Variants in LRRIQ1 observed in about 807,000 individuals in gnomAD.
The protein encoded by LRRIQ1 is leucine-rich repeat- and IQ domain-containing protein 1.
A neutral mutation model predicts 211.9 loss-of-function variants in LRRIQ1; 210 were observed. The ratio of observed to expected loss-of-function variants is 0.99; its 90% CI spans 0.89 to 1.11. LRRIQ1 has a LOEUF of 1.11. Among genes scored for constraint, LRRIQ1 ranks in the 50% most tolerant of loss-of-function variants. The pLI is 0.00. For synonymous variants in LRRIQ1, 699 were observed against 650.1 expected, an observed-to-expected ratio of 1.08 and a Z score of -1.14; for missense variants, 2,136 against 1,939.5, an observed-to-expected ratio of 1.10 and a Z score of -1.90.
chr12:85,068,316 A>G (rs1882663880), intron 10 of LRRIQ1, among the ~76,000 whole-genome samples: 1 of 147,648 alleles, frequency 6.8e-6, no homozygotes, highest in African/African-American at 2.5e-5. Flanking sequence ...AGGAATAGAA[A>G]TAAGCTTAAT....
chr12:85,047,766 A>G, intron 6 of LRRIQ1: 1 of 266,470 alleles, frequency 3.8e-6, no homozygotes, highest in Non-Finnish European at 7.2e-6. Flanking sequence ...GTTTTTCTTT[A>G]TATGCTTCTA....
At chr12:85,036,747 T>TC in intron 1 of LRRIQ1, among the ~76,000 whole-genome samples, 1 of 141,412 alleles carries the variant, frequency 7.1e-6, no homozygotes, top group South Asian at 2.3e-4. Context: ...TCTCTTTCTT[T>TC]CTTTTTTTTT....
intron 1 of LRRIQ1, among the ~76,000 whole-genome samples, chr12:85,253,757 A>G (rs1163806765): frequency 1.3e-5 from 2 of 152,064 alleles, no homozygotes; most frequent in Non-Finnish European, 2.9e-5. Flanking sequence ...TGCTGTTACC[A>G]TGTATGACTA....
chr12:85,155,977 C>G (rs1225150169), intron 23 of LRRIQ1, among the ~76,000 whole-genome samples: 1 of 151,612 alleles, frequency 6.6e-6, no homozygotes, highest in Non-Finnish European at 1.5e-5. Flanking sequence ...CCTCTTTTAT[C>G]AGTCACAAGG....
chr12:85,073,163 T>C, intron 11 of LRRIQ1, 65 bp downstream of exon 11: 1 of 1,217,752 alleles, frequency 8.2e-7, no homozygotes, highest in Non-Finnish European at 1.2e-6. Flanking sequence ...ATGGGGAGGG[T>C]TGGATCTAGG....
At chr12:85,129,221 A>G (rs767353312) in intron 18 of LRRIQ1, among the ~76,000 whole-genome samples, 11 of 152,154 alleles carry the variant, frequency 7.2e-5, no homozygotes, top group Non-Finnish European at 1.5e-4. Flanking sequence ...TAGAAGGTAC[A>G]ACTTGTCAGG....
At position 85,124,453 on chromosome 12, in the gene LRRIQ1, T is replaced by G; in HGVS notation, c.3941T>G (p.Phe1314Cys). 6.2e-7 allele frequency: 1 copy of G among 1,613,790 alleles called. No homozygotes were observed. Among genetic ancestry groups the G allele is most frequent in the Non-Finnish European group, 8.5e-7 (1 of 1,180,022 alleles). ...AGTATTCCCACCATAAGAATCCCAT[T>G]TAAGGAAGTAGTAATGACAAATTCT... Reference protein sequence around the residue: ...ASSIPTIRIPFKEVVMTNSLL... With the variant: ...ASSIPTIRIPCKEVVMTNSLL... The change falls in exon 17 of 27, where the codon TTT (phenylalanine) becomes TGT (cysteine). Residue 1314 changes from phenylalanine to cysteine, a missense_variant. Physicochemically the swap from Phe to Cys is radical, Grantham distance 205. Transcript: ENST00000393217.
chr12:85,250,455 A>G (rs1257855582), intron 1 of LRRIQ1, among the ~76,000 whole-genome samples: 1 of 151,674 alleles, frequency 6.6e-6, no homozygotes, highest in Non-Finnish European at 1.5e-5. Flanking sequence ...AAAAATATTT[A>G]TGAGCCAGGT....
chr12:85,272,560 G>A, the LRRIQ1 span, among the ~76,000 whole-genome samples: 1 of 151,622 alleles, frequency 6.6e-6, no homozygotes, highest in South Asian at 2.1e-4. Context: ...ACAAAGAAAT[G>A]GAAATAAATG....
intron 22 of LRRIQ1, 66 bp from the exon 23 acceptor site, chr12:85,153,936 ATGTCTATTTT>A: frequency 9.7e-7 from 1 of 1,034,404 alleles, no homozygotes; most frequent in Non-Finnish European, 1.4e-6. Flanking sequence ...TCAGATATGC[ATGTCTATTTT>A]TATATGCATA....
At chr12:85,206,155 G>A (rs1207462074) in intron 24 of LRRIQ1, among the ~76,000 whole-genome samples, 1 of 152,220 alleles carries the variant, frequency 6.6e-6, no homozygotes, top group Non-Finnish European at 1.5e-5. Flanking sequence ...GTGAGCCTGG[G>A]ACTGCTGACT....
intron 1 of LRRIQ1, among the ~76,000 whole-genome samples, chr12:85,036,619 G>C (rs1300620779): frequency 1.3e-5 from 2 of 152,090 alleles, no homozygotes; most frequent in African/African-American, 4.8e-5. Context: ...AGATGTCTTG[G>C]CTATGTAGGG....
chr12:85,118,985 T>C (rs1160945066), intron 15 of LRRIQ1, among the ~76,000 whole-genome samples: 2 of 152,152 alleles, frequency 1.3e-5, no homozygotes, highest in Non-Finnish European at 2.9e-5. Context: ...CAGAGAGGTA[T>C]ATTTGTCACC....
intron 24 of LRRIQ1, among the ~76,000 whole-genome samples, chr12:85,201,481 T>C (rs1317033451): frequency 1.3e-5 from 2 of 152,124 alleles, no homozygotes; most frequent in African/African-American, 4.8e-5. Context: ...TATTGGTCTC[T>C]TTAGAGATTC....
chr12:85,116,572 A>C (rs1373516383), intron 15 of LRRIQ1, among the ~76,000 whole-genome samples: 1 of 152,128 alleles, frequency 6.6e-6, no homozygotes, highest in Non-Finnish European at 1.5e-5. Context: ...CTTTTATTTT[A>C]GGTTTTGGAG....
chr12:85,199,378 C>T (rs1019207675), intron 24 of LRRIQ1, among the ~76,000 whole-genome samples: 1 of 151,986 alleles, frequency 6.6e-6, no homozygotes, highest in Non-Finnish European at 1.5e-5. Flanking sequence ...AAGTCCTTTC[C>T]CCATTGCTTT....
At chr12:85,259,004 A>G (rs1044102237) in intron 1 of LRRIQ1, among the ~76,000 whole-genome samples, 1 of 151,984 alleles carries the variant, frequency 6.6e-6, no homozygotes, top group African/African-American at 2.4e-5. Context: ...GGATTTAACA[A>G]TAAAATATTT....
intron 18 of LRRIQ1, among the ~76,000 whole-genome samples, chr12:85,128,874 G>A (rs944036322): frequency 3.9e-5 from 6 of 152,144 alleles, no homozygotes; most frequent in East Asian, 3.9e-4. Context: ...TAACTCAGAA[G>A]TCCGAGCACA....
chr12:85,068,580 A>G (rs2136079488), intron 10 of LRRIQ1, among the ~76,000 whole-genome samples: 1 of 151,954 alleles, frequency 6.6e-6, no homozygotes, highest in East Asian at 1.9e-4. Flanking sequence ...GACAGTTTTG[A>G]ATAATATGGC....
Sources: gnomAD v4.1 joint callset for allele counts (sites outside exome capture counted in the v4.1 genomes callset) on GRCh38, gnomAD v4.1.1 for gene constraint, MANE v1.5 for transcripts, NCBI Gene and HGNC (gene_info 2026-07-23, HGNC 2026-07-21) for gene names.